Variants in KIF17 observed in about 807,000 individuals in gnomAD.
KIF17 encodes the protein kinesin-like protein KIF17.
A neutral mutation model predicts 96.8 loss-of-function variants in KIF17; 80 were observed. The ratio of observed to expected loss-of-function variants is 0.83; its 90% CI spans 0.69 to 1.00. KIF17 has a LOEUF of 1.00. Ranked by LOEUF, KIF17 falls within the 50% of genes least tolerant of loss-of-function variation. The pLI, the probability that KIF17 is intolerant of heterozygous loss-of-function variation, is 0.00. For missense variants in KIF17, 1,280 were observed against 1,372.9 expected (o/e 0.93, Z 1.07); for synonymous variants, 567 against 587.5 (o/e 0.97, Z 0.51).
At chr1:20,666,014 G>A (rs1038540891) in intron 14 of KIF17, among the ~76,000 whole-genome samples, 200 bp downstream of exon 14, 21 of 152,234 alleles carry the variant, frequency 1.4e-4, no homozygotes, top group African/African-American at 4.3e-4. Flanking sequence ...GAGCACCAGC[G>A]CCCGGGCTGG....
At chr1:20,690,157 G>C in intron 7 of KIF17, 31 bp downstream of exon 7, 1 of 1,613,684 alleles carries the variant, frequency 6.2e-7, no homozygotes, top group Non-Finnish European at 8.5e-7. Flanking sequence ...ACCTTCCCTG[G>C]AGACAGCCTC....
chr1:20,703,217 G>GA (rs1377285351), intron 5 of KIF17, among the ~76,000 whole-genome samples: 1 of 151,638 alleles, frequency 6.6e-6, no homozygotes, highest in East Asian at 1.9e-4. Flanking sequence ...AGGATGGAAG[G>GA]AAAAAAGGAA....
At chr1:20,670,881 C>T (rs144422069) in intron 12 of KIF17, among the ~76,000 whole-genome samples, 62 of 152,264 alleles carry the variant, frequency 4.1e-4, no homozygotes, top group Admixed American at 9.8e-4. Context: ...GGGGGCACTG[C>T]GGGCTCCCCA....
Position 20,709,975 on chromosome 1 carries a change from G to T in KIF17, c.481-147C>A. On this transcript the variant is annotated intron_variant, in intron 3 of 14. Coordinates refer to ENST00000400463, the MANE Select transcript of KIF17 (RefSeq NM_001122819.3). The surrounding 1 kb of genome is among the most constrained non-coding windows in gnomAD (Gnocchi z 4.7). Reference sequence around the variant, plus strand: ...CTGGCACCTCACATGCCTGTCACAGGGAGGGGTGTGTTCCAGGCCCAGCCA... The same window carrying T: ...CTGGCACCTCACATGCCTGTCACAGTGAGGGGTGTGTTCCAGGCCCAGCCA... The T allele has an allele frequency of 2.6e-6, 2 of 768,754 alleles. No individual in the cohort carries two copies. Among genetic ancestry groups the T allele is most frequent in the Non-Finnish European group, 4.4e-6 (2 of 452,246 alleles). 47.6% of individuals were successfully genotyped at this position (768,754 alleles called of 1,614,324 possible).
At chr1:20,712,678 T>TTATCTATATATAAAATTATATTA (rs1557606550) in intron 3 of KIF17, among the ~76,000 whole-genome samples, 2 of 46,812 alleles carry the variant, frequency 4.3e-5, no homozygotes, top group African/African-American at 1.9e-4. Context: ...ATAGATAATA[T>TTATCTATATATAAAATTATATTA]TATCTATATA....
At chr1:20,666,394 C>A (rs61778493) in intron 13 of KIF17, 63 bp from the exon 14 acceptor site, 173,721 of 1,346,898 alleles carry the variant, frequency 0.13, 12,217 homozygotes, top group Non-Finnish European at 0.14. Flanking sequence ...CAGGGCTCCA[C>A]AGCCTCTGGT....
At chr1:20,717,360 C>A in intron 1 of KIF17, 116 bp downstream of exon 1, 1 of 1,174,598 alleles carries the variant, frequency 8.5e-7, no homozygotes, top group Non-Finnish European at 1.2e-6. Flanking sequence ...TGTTCCCGTC[C>A]GCCTGCGCCC....
intron 6 of KIF17, chr1:20,693,484 C>G (rs1347253916): frequency 6.6e-6 from 1 of 151,930 alleles, no homozygotes; most frequent in East Asian, 1.9e-4. Context: ...CCAGGCTGGT[C>G]TCTAACTCCT....
Position 20,682,830 on chromosome 1 carries a change from G to A in KIF17, c.2286C>T (p.Asp762=), listed in dbSNP as rs1220590811. 6.2e-7 allele frequency: 1 copy of A among 1,612,462 alleles called. No individual in the cohort carries two copies. Among genetic ancestry groups the A allele is most frequent in the Non-Finnish European group, 8.5e-7 (1 of 1,180,016 alleles). Residue 762 remains aspartate (D), a synonymous_variant, in exon 11 of 15, where the codon GAC becomes GAT. Coordinates refer to ENST00000400463, the MANE Select transcript of KIF17 (RefSeq NM_001122819.3). ...VVGGEQAKNK[D]LKEKHKRRKR... is the part of the protein sequence containing the mutation. ...TGCGCCGCTTGTGCTTCTCCTTCAG[G>A]TCCTTGTTCTTGGCCTGCTCTCCAC...
Position 20,687,655 on chromosome 1 carries a change from C to T in KIF17, c.1671G>A (p.Glu557=). Residue 557 remains glutamate, a synonymous_variant, in exon 8 of 15, where the codon GAG becomes GAA. Transcript: ENST00000400463. The surrounding 1 kb of genome is among the most constrained non-coding windows in gnomAD (Gnocchi z 4.4). The part of the protein sequence containing the change: ...TSVSEAFPGP[E]EPSNVEVSMP... ...TGGAGACCTCCACGTTGGAGGGCTC[C>T]TCAGGCCCAGGGAAAGCCTCGGACA... 6.2e-7 allele frequency: 1 copy of T among 1,614,188 alleles called. No homozygotes were observed. Among genetic ancestry groups the T allele is most frequent in the South Asian group, 1.1e-5 (1 of 91,090 alleles).
At chr1:20,698,024 A>C (rs2054172111) in intron 6 of KIF17, among the ~76,000 whole-genome samples, 1 of 152,234 alleles carries the variant, frequency 6.6e-6, no homozygotes, top group South Asian at 2.1e-4. Context: ...GGCCATTTCC[A>C]CAGCCAGGGA....
At position 20,717,568 on chromosome 1, in the gene KIF17, C is replaced by T. The variant is rs764963538; in HGVS notation, c.139G>A (p.Glu47Lys). ...CCIQNPGAAD[E>K]PPKQFTFDGA... is the part of the protein sequence containing the mutation. ...TCGAAGGTGAACTGCTTGGGCGGCT[C>T]GTCGGCGGCGCCCGGGTTCTGGATG... Residue 47 changes from glutamate (E) to lysine (K), a missense_variant, in exon 1 of 15, where the codon GAG becomes AAG. Coordinates refer to ENST00000400463, the MANE Select transcript of KIF17 (RefSeq NM_001122819.3). 2 of 1,611,730 alleles carry T rather than the reference C, an allele frequency of 1.2e-6. No individual in the cohort carries two copies. Among genetic ancestry groups the T allele is most frequent in the Non-Finnish European group, 1.7e-6 (2 of 1,179,644 alleles).
At chr1:20,703,188 C>CGGAT (rs879425464) in intron 5 of KIF17, among the ~76,000 whole-genome samples, 4,014 of 92,878 alleles carry the variant, frequency 0.043, 63 homozygotes, top group Middle Eastern at 0.15. Context: ...AATGGATGGA[C>CGGAT]GGATGGATGG....
chr1:20,701,318 C>T (rs532194020), intron 5 of KIF17, among the ~76,000 whole-genome samples: 19 of 152,268 alleles, frequency 1.2e-4, no homozygotes, highest in African/African-American at 4.6e-4. Context: ...GTAGTCCCAG[C>T]TACTTGGGAG....
intron 2 of KIF17, among the ~76,000 whole-genome samples, chr1:20,714,385 G>A (rs552230552): frequency 5.3e-5 from 8 of 152,278 alleles, no homozygotes; most frequent in African/African-American, 1.4e-4. Flanking sequence ...AGCTACTCAG[G>A]AGGCTGAGGC....
At chr1:20,679,985 C>CGATTGATT (rs35598230) in intron 11 of KIF17, among the ~76,000 whole-genome samples, 1,551 of 151,386 alleles carry the variant, frequency 0.01, 29 homozygotes, top group African/African-American at 0.035. Flanking sequence ...AATCAGAGAT[C>CGATTGATT]GATTGATTGA....
At chr1:20,713,798 G>C (rs1158337481) in intron 2 of KIF17, among the ~76,000 whole-genome samples, 1 of 152,038 alleles carries the variant, frequency 6.6e-6, no homozygotes, top group Admixed American at 6.6e-5. Context: ...GCTGTCTAAT[G>C]CTCTGTCTAC....
chr1:20,664,873 C>T, intron 14 of KIF17, 111 bp from the exon 15 acceptor site: 1 of 1,024,130 alleles, frequency 9.8e-7, no homozygotes, highest in Non-Finnish European at 1.5e-6. Context: ...CGCCCCCCTG[C>T]CCAGCCAGAG....
chr1:20,717,773 G>C lies in KIF17; in HGVS notation c.-67C>G. ...CCCCGCCGGGGACTCCCAGCAGCCC[G>C]GGCCAAGGGGCGGGGCCAGCGCCGG... is the stretch of plus-strand genomic sequence containing the variant. On this transcript the variant is annotated 5_prime_UTR_variant, in exon 1 of 15. Transcript: ENST00000400463. 4.1e-6 allele frequency: 6 copies of C among 1,451,216 alleles called. No individual in the cohort carries two copies. Among genetic ancestry groups the C allele is most frequent in the Non-Finnish European group, 5.4e-6 (6 of 1,110,400 alleles). 89.9% of individuals were successfully genotyped at this position (1,451,216 alleles called of 1,614,324 possible). A position where few individuals can be genotyped will look rare whatever the true frequency, so the allele number is the denominator to read the frequency against.
Sources: allele counts gnomAD v4.1 joint callset (sites outside exome capture counted in the v4.1 genomes callset), GRCh38; gene constraint gnomAD v4.1.1; non-coding constraint Gnocchi (gnomAD v3.1); transcripts MANE v1.5; gene names NCBI Gene and HGNC (gene_info 2026-07-23, HGNC 2026-07-21).